The following HEATR5B variants were observed in gnomAD, a reference collection of about 807,000 sequenced individuals.
HEATR5B encodes the protein HEAT repeat containing 5B.
Under a neutral mutation model 224.1 loss-of-function variants are expected in HEATR5B, and 156 were observed. The ratio of observed to expected loss-of-function variants is 0.70; its 90% CI spans 0.61 to 0.80. HEATR5B has a LOEUF of 0.80. Ranked by LOEUF, HEATR5B falls within the 30% of genes least tolerant of loss-of-function variation. The pLI is 0.00. For synonymous variants in HEATR5B, 1,027 were observed against 893.0 expected (o/e 1.15, Z -2.68); for missense variants, 2,323 against 2,535.5 (o/e 0.92, Z 1.80).
chr2:37,073,162 C>A (rs1672010911), intron 5 of HEATR5B, among the ~76,000 whole-genome samples: 2 of 152,162 alleles, frequency 1.3e-5, no homozygotes, highest in East Asian at 1.9e-4. Flanking sequence ...AAACTACATA[C>A]CCATATCCCT....
intron 18 of HEATR5B, among the ~76,000 whole-genome samples, chr2:37,042,125 CATACAATATTCACCAACTTTAGGT>C (rs1431375695): frequency 6.6e-6 from 1 of 152,046 alleles, no homozygotes; most frequent in Non-Finnish European, 1.5e-5. Context: ...TTGAGACTCA[CATACAATATTCACCAACTTTAGGT>C]ATACAATTAA....
chr2:37,079,161 G>A lies in HEATR5B; in HGVS notation c.297C>T (p.Ile99=), dbSNP rs1672403238. 1 of 1,609,264 alleles carries A rather than the reference G, an allele frequency of 6.2e-7. No homozygotes were observed. The highest frequency in any genetic ancestry group is 8.5e-7 in the Non-Finnish European group (1 of 1,176,488). Reference sequence around the variant, plus strand: ...AGGCCGCAGTGTCATCTTTATTTCTGATAATGTCATTGCATTTATCAAGTG... The same window carrying A: ...AGGCCGCAGTGTCATCTTTATTTCTAATAATGTCATTGCATTTATCAAGTG... ...FQTLDKCNDI[I]RNKDDTAAYL... is the part of the protein sequence containing the mutation. Residue 99 remains isoleucine, a synonymous_variant, in exon 3 of 36, where the codon ATC becomes ATT. Transcript: ENST00000233099.
chr2:37,024,581 C>G (rs80200221), intron 24 of HEATR5B, among the ~76,000 whole-genome samples: 29 of 152,050 alleles, frequency 1.9e-4, no homozygotes, highest in African/African-American at 5.8e-4. Context: ...ATGTATTTTA[C>G]TACAACAAAA....
At chr2:37,038,652 A>G (rs552983130) in intron 20 of HEATR5B, among the ~76,000 whole-genome samples, 1 of 152,300 alleles carries the variant, frequency 6.6e-6, no homozygotes, top group South Asian at 2.1e-4. Context: ...AATGGGTCTA[A>G]GCAAGCGGCT....
At chr2:37,068,440 T>C (rs1364852207) in intron 8 of HEATR5B, among the ~76,000 whole-genome samples, 3 of 152,130 alleles carry the variant, frequency 2.0e-5, no homozygotes, top group African/African-American at 7.2e-5. Context: ...AGTTATAAAA[T>C]CCGTATAGGT....
At position 36,981,275 on chromosome 2, in the gene HEATR5B, G is replaced by T; in HGVS notation, c.*215C>A. The T allele has an allele frequency of 2.3e-6, 1 of 427,334 alleles. No individual in the cohort carries two copies. 26.5% of individuals were successfully genotyped at this position (427,334 alleles called of 1,614,324 possible). On this transcript the variant is annotated 3_prime_UTR_variant, in exon 36 of 36. Transcript: ENST00000233099. Reference sequence around the variant, plus strand: ...AGTTAACAAAAGAGAAACATTATTAGGAGGAAAATGAAAACATATTCACCA... The same window carrying T: ...AGTTAACAAAAGAGAAACATTATTATGAGGAAAATGAAAACATATTCACCA...
intron 14 of HEATR5B, 60 bp downstream of exon 14, chr2:37,058,391 T>C: frequency 1.0e-6 from 1 of 956,710 alleles, no homozygotes. Context: ...CAAGACTCTA[T>C]AATACGGTGA....
In HEATR5B at chr2:37,028,882, C is replaced by A. The variant is rs749842340; in HGVS notation, c.3400G>T (p.Asp1134Tyr). ...ACACCTTGGTGCCGGCAATGGATAT[C>A]AGTTCGAGAACTAACCCCAGGGGCA... is the stretch of plus-strand genomic sequence containing the variant. ...PFAPGVSSRT[D>Y]IHCRHQGVNI... Residue 1134 changes from aspartate to tyrosine, a missense_variant, in exon 23 of 36, where the codon GAT (aspartate) becomes TAT (tyrosine). This residue lies in a region of HEATR5B where 339 missense variants were observed against 378.4 expected (regional missense o/e 0.90). Coordinates refer to ENST00000233099, the MANE Select transcript of HEATR5B (RefSeq NM_019024.3). The A allele has an allele frequency of 2.5e-6, 4 of 1,613,964 alleles. No homozygotes were observed. In the South Asian group the frequency reaches 4.4e-5, roughly 18 times the overall value.
At chr2:37,050,196 T>C (rs1414855426) in intron 17 of HEATR5B, among the ~76,000 whole-genome samples, 2 of 152,188 alleles carry the variant, frequency 1.3e-5, no homozygotes, top group East Asian at 3.8e-4. Context: ...CAATTCATAT[T>C]AAATAAAGGA....
intron 24 of HEATR5B, among the ~76,000 whole-genome samples, chr2:37,022,240 G>C (rs1668510010): frequency 1.3e-5 from 2 of 151,600 alleles, no homozygotes; most frequent in Non-Finnish European, 2.9e-5. Flanking sequence ...GCAGTGGTGT[G>C]ATCTTGGCTC....
chr2:37,021,539 C>A lies in HEATR5B; in HGVS notation c.3854-703G>T, dbSNP rs575452443. Reference sequence around the variant, plus strand: ...AATCATCCCTCTCTCTATGCTGTGGCCAATGCGTAACTGACTTTTTCCTGT... The same window carrying A: ...AATCATCCCTCTCTCTATGCTGTGGACAATGCGTAACTGACTTTTTCCTGT... On this transcript the variant is annotated intron_variant, in intron 24 of 35. Coordinates refer to ENST00000233099, the MANE Select transcript of HEATR5B (RefSeq NM_019024.3). Among the ~76,000 whole-genome samples the A allele has an allele frequency of 5.9e-5, 9 of 152,220 alleles. No homozygotes were observed. The South Asian group carries it at 1.9e-3, about 32-fold the overall frequency.
intron 24 of HEATR5B, among the ~76,000 whole-genome samples, chr2:37,027,573 T>C (rs1205643197): frequency 6.6e-6 from 1 of 152,242 alleles, no homozygotes; most frequent in Non-Finnish European, 1.5e-5. Flanking sequence ...TTTATTTATA[T>C]GCCTTAAAAT....
intron 18 of HEATR5B, 150 bp from the exon 19 acceptor site, chr2:37,041,442 G>T: frequency 2.9e-6 from 2 of 697,420 alleles, no homozygotes; most frequent in Non-Finnish European, 2.3e-6. Context: ...ACAGGAGTTA[G>T]AACTTCAATT....
chr2:37,059,037 GAATTA>G lies in HEATR5B; in HGVS notation c.1850-55_1850-51del, dbSNP rs139062388. The G allele has an allele frequency of 1.1e-3, 1,229 of 1,111,202 alleles. 4 individuals carry two copies. Among genetic ancestry groups the G allele is most frequent in the Non-Finnish European group, 1.5e-3 (1,136 of 749,894 alleles). 68.8% of individuals were successfully genotyped at this position (1,111,202 alleles called of 1,614,324 possible). A position where few individuals can be genotyped will look rare whatever the true frequency, so the allele number is the denominator to read the frequency against. The stretch of plus-strand genomic sequence containing the variant: ...GATTTGGAGTAGCTTTTGTGAACAT[GAATTA>G]ATTTATAAAATTGTATAAATATAAA... On this transcript the variant is annotated intron_variant, in intron 12 of 35. Coordinates refer to ENST00000233099, the MANE Select transcript of HEATR5B (RefSeq NM_019024.3).
At chr2:37,051,901 G>A (rs1373508260) in intron 17 of HEATR5B, among the ~76,000 whole-genome samples, 2 of 152,044 alleles carry the variant, frequency 1.3e-5, no homozygotes, top group Admixed American at 6.5e-5. Context: ...CACCACGCCT[G>A]GCTAATTTTT....
rs188707683 is a variant in HEATR5B, at chr2:37,040,827, A to T, written c.2856+306T>A. Reference sequence around the variant, plus strand: ...GGAAGAGAGAGAAGGATGGTTATTTAAAAAAAAAACTTGATCAAGCTAACA... The same window carrying T: ...GGAAGAGAGAGAAGGATGGTTATTTTAAAAAAAAACTTGATCAAGCTAACA... On this transcript the variant is annotated intron_variant, in intron 19 of 35. Transcript: ENST00000233099. Among the ~76,000 whole-genome samples, 91 of 149,808 alleles carry T rather than the reference A, an allele frequency of 6.1e-4. 1 individual carries two copies. In the East Asian group the frequency reaches 0.015, roughly 25 times the overall value.
chr2:36,997,329 T>C (rs1298148126), intron 33 of HEATR5B, among the ~76,000 whole-genome samples: 2 of 151,868 alleles, frequency 1.3e-5, no homozygotes, highest in East Asian at 3.9e-4. Flanking sequence ...GGACCACATG[T>C]GTGTGCCACC....
In HEATR5B at chr2:37,076,921, TTCAGAGATTTCAATAGA is replaced by T; in HGVS notation, c.420_436del (p.Asn140LysfsTer10). ...GGTTGTAAAACTTACCTCTGCACTTTTCAGAGATTTCAATAGATTATTTACCGTTTCTGGAAATGCGC... is the reference window on the plus strand; with the variant it reads ...GGTTGTAAAACTTACCTCTGCACTTTTTATTTACCGTTTCTGGAAATGCGC... On this transcript the variant is annotated frameshift_variant, in exon 4 of 36. Transcript: ENST00000233099. LOFTEE classifies it high-confidence loss of function. 6.2e-7 allele frequency: 1 copy of T among 1,612,222 alleles called. No individual in the cohort carries two copies. Among genetic ancestry groups the T allele is most frequent in the South Asian group, 1.1e-5 (1 of 91,020 alleles).
intron 35 of HEATR5B, among the ~76,000 whole-genome samples, chr2:36,984,237 T>TATATATATATATAA (rs1217602304): frequency 1.3e-4 from 15 of 112,002 alleles, no homozygotes; most frequent in South Asian, 3.5e-4. Context: ...TATATATATA[T>TATATATATATATAA]AAAACTGGAA....
Sources: gnomAD v4.1 joint callset for allele counts (sites outside exome capture counted in the v4.1 genomes callset) on GRCh38, gnomAD v4.1.1 for gene constraint, gnomAD v4.1.1 regional missense constraint, MANE v1.5 for transcripts, NCBI Gene and HGNC (gene_info 2026-07-23, HGNC 2026-07-21) for gene names.